Variants in TMCO2 observed in about 807,000 individuals in gnomAD.
TMCO2 encodes transmembrane and coiled-coil domain-containing protein 2.
In TMCO2, 15 loss-of-function variants were observed where a neutral mutation model predicts 18.0. That is an observed-to-expected ratio of 0.84 (90% confidence interval 0.56 to 1.29). The LOEUF (loss-of-function observed/expected upper bound fraction) is 1.29, where lower values mean the gene tolerates loss of function less well. TMCO2 is among the 50% of genes most tolerant of loss of function. TMCO2 has a pLI of 0.00. For synonymous variants in TMCO2, 79 were observed against 75.9 expected, an observed-to-expected ratio of 1.04 and a Z score of -0.21; for missense variants, 182 against 200.9, an observed-to-expected ratio of 0.91 and a Z score of 0.57.
chr1:40,250,134 C>A (rs1368957427), intron 1 of TMCO2, among the ~76,000 whole-genome samples: 1 of 151,546 alleles, frequency 6.6e-6, no homozygotes, highest in Non-Finnish European at 1.5e-5. Flanking sequence ...GCAGTTGGAA[C>A]CATAGGCATG....
Position 40,248,225 on chromosome 1 carries a change from A to T in TMCO2, c.232A>T (p.Ile78Phe). ...YALWKRSIQS[I>F]QKTLLFVITL... ...CTTATGGAAACGAAGTATTCAGTCAATTCAGGTTATACTCTTTTGTTACAA... is the reference window on the plus strand; with the variant it reads ...CTTATGGAAACGAAGTATTCAGTCATTTCAGGTTATACTCTTTTGTTACAA... Residue 78 changes from isoleucine (I) to phenylalanine (F), a missense_variant, in exon 1 of 2, where the codon ATT (isoleucine) becomes TTT (phenylalanine). Transcript: ENST00000372766. The T allele has an allele frequency of 1.2e-6, 2 of 1,607,196 alleles. No individual in the cohort carries two copies. The highest frequency in any genetic ancestry group is 1.7e-6 in the Non-Finnish European group (2 of 1,174,070).
chr1:40,249,695 T>C lies in TMCO2; in HGVS notation c.237+1465T>C, dbSNP rs61781063. ...TGTTATTTATTTATTTATTTTGAGA[T>C]GAAGTCTTGCTCTTGTCCCCTAGTC... On this transcript the variant is annotated intron_variant, in intron 1 of 1. Transcript: ENST00000372766. Among the ~76,000 whole-genome samples the C allele has an allele frequency of 3.6e-3, 553 of 152,274 alleles. 12 individuals are homozygous for C. Among genetic ancestry groups the C allele is most frequent in the East Asian group, 0.031 (161 of 5,180 alleles).
At position 40,251,282 on chromosome 1, in the gene TMCO2, G is replaced by A; in HGVS notation, c.238-1G>A. On this transcript the variant is annotated splice_acceptor_variant, in intron 1 of 1. Coordinates refer to ENST00000372766, the MANE Select transcript of TMCO2 (RefSeq NM_001008740.4). LOFTEE classifies it high-confidence loss of function. Reference sequence around the variant, plus strand: ...ACTCAACTTCTGTTGTTCCATTTTAGAAAACATTGTTGTTTGTAATCACAC... The same window carrying A: ...ACTCAACTTCTGTTGTTCCATTTTAAAAAACATTGTTGTTTGTAATCACAC... The A allele has an allele frequency of 3.1e-6, 5 of 1,605,572 alleles. No individual in the cohort carries two copies. Among genetic ancestry groups the A allele is most frequent in the Non-Finnish European group, 4.2e-6 (5 of 1,178,096 alleles).
At chr1:40,250,905 C>T (rs557324121) in intron 1 of TMCO2, among the ~76,000 whole-genome samples, 2 of 152,128 alleles carry the variant, frequency 1.3e-5, no homozygotes, top group East Asian at 1.9e-4. Flanking sequence ...TGGGAGGCCA[C>T]GATGGGCGGA....
chr1:40,250,908 T>C (rs1196671872), intron 1 of TMCO2, among the ~76,000 whole-genome samples: 2 of 152,278 alleles, frequency 1.3e-5, no homozygotes, highest in East Asian at 3.9e-4. Context: ...GAGGCCACGA[T>C]GGGCGGATCA....
intron 1 of TMCO2, among the ~76,000 whole-genome samples, chr1:40,249,652 C>T (rs1388274757): frequency 6.6e-6 from 1 of 151,002 alleles, no homozygotes; most frequent in Non-Finnish European, 1.5e-5. Flanking sequence ...AGAATCTGTC[C>T]TACTATACAT....
At chr1:40,248,341 C>A in intron 1 of TMCO2, 111 bp downstream of exon 1, 1 of 912,756 alleles carries the variant, frequency 1.1e-6, no homozygotes, top group Non-Finnish European at 1.6e-6. Flanking sequence ...CAAAGGCGAA[C>A]CTTTGTCTCT....
chr1:40,250,859 C>T (rs1037532245), intron 1 of TMCO2, among the ~76,000 whole-genome samples: 24 of 152,150 alleles, frequency 1.6e-4, no homozygotes, highest in African/African-American at 5.8e-4. Context: ...TTGCTAAGGC[C>T]GGGCATGGTG....
At position 40,251,658 on chromosome 1, in the gene TMCO2, CAATA is replaced by C; in HGVS notation, c.*67_*70del. ...TTCCCTCATGTGTGCAGTGGTGTATCAATAAAGATAGAGAACGCTATTGAAATTA... is the reference window on the plus strand; with the variant it reads ...TTCCCTCATGTGTGCAGTGGTGTATCAAGATAGAGAACGCTATTGAAATTA... On this transcript the variant is annotated 3_prime_UTR_variant, in exon 2 of 2. Transcript: ENST00000372766. The C allele has an allele frequency of 6.6e-7, 1 of 1,517,908 alleles. No homozygotes were observed. The highest frequency in any genetic ancestry group is 8.9e-7 in the Non-Finnish European group (1 of 1,118,134). The allele number at this position is 1,517,908 out of a possible 1,614,324, so 94.0% of individuals were successfully genotyped here.
chr1:40,251,169 G>C (rs753815646), intron 1 of TMCO2, 114 bp from the exon 2 acceptor site: 38 of 939,658 alleles, frequency 4.0e-5, no homozygotes, highest in Non-Finnish European at 4.9e-5. Context: ...TGCTAAATGG[G>C]AGACTTGTTA....
At chr1:40,249,574 CAA>C (rs1370369819) in intron 1 of TMCO2, among the ~76,000 whole-genome samples, 11 of 125,456 alleles carry the variant, frequency 8.8e-5, no homozygotes, top group Non-Finnish European at 8.6e-5. Context: ...GACTGTGTCT[CAA>C]AAAAAAAAAA....
In TMCO2 at chr1:40,251,627, C is replaced by T. The variant is rs72939333; in HGVS notation, c.*33C>T. ...TGGACTCCAATCTTTTCCAGGAAAG[C>T]ACTGTTTCCCTCATGTGTGCAGTGG... On this transcript the variant is annotated 3_prime_UTR_variant, in exon 2 of 2. Transcript: ENST00000372766. The T allele has an allele frequency of 2.3e-3, 3,603 of 1,580,596 alleles. 70 individuals carry two copies. The African/African-American group carries it at 0.04, about 17-fold the overall frequency.
At chr1:40,250,311 T>C (rs1292365038) in intron 1 of TMCO2, among the ~76,000 whole-genome samples, 4 of 143,090 alleles carry the variant, frequency 2.8e-5, no homozygotes, top group Non-Finnish European at 4.5e-5. Flanking sequence ...TTATTTTATA[T>C]AAATAAAATA....
Position 40,251,316 on chromosome 1 carries a change from C to T in TMCO2, c.271C>T (p.Leu91Phe). 1 of 1,612,906 alleles carries T rather than the reference C, an allele frequency of 6.2e-7. No individual in the cohort carries two copies. The highest frequency in any genetic ancestry group is 8.5e-7 in the Non-Finnish European group (1 of 1,179,742). ...GTTGTTTGTAATCACACTCTACAAA[C>T]TTTACAAGAAGGGCTCACATATTTT... ...TLLFVITLYK[L>F]YKKGSHIFEA... The change falls in exon 2 of 2, where the codon CTT (leucine) becomes TTT (phenylalanine). Residue 91 changes from leucine (L) to phenylalanine (F), a missense_variant. Coordinates refer to ENST00000372766, the MANE Select transcript of TMCO2 (RefSeq NM_001008740.4).
In TMCO2 at chr1:40,251,517, T is replaced by C; in HGVS notation, c.472T>C (p.Cys158Arg). 3 of 1,614,024 alleles carry C rather than the reference T, an allele frequency of 1.9e-6. No homozygotes were observed. Among genetic ancestry groups the C allele is most frequent in the Non-Finnish European group, 2.5e-6 (3 of 1,180,006 alleles). The change falls in exon 2 of 2, where the codon TGC becomes CGC. Residue 158 changes from cysteine (C) to arginine (R), a missense_variant. Cys to Arg is a radical substitution (Grantham distance 180). Coordinates refer to ENST00000372766, the MANE Select transcript of TMCO2 (RefSeq NM_001008740.4). ...VAQKPATKRD[C>R]SSEPYCSCSD... ...TCAAAAACCTGCCACGAAGAGGGATTGCTCCTCTGAGCCCTACTGCAGCTG... is the reference window on the plus strand; with the variant it reads ...TCAAAAACCTGCCACGAAGAGGGATCGCTCCTCTGAGCCCTACTGCAGCTG...
At chr1:40,250,688 T>C (rs552230692) in intron 1 of TMCO2, among the ~76,000 whole-genome samples, 1 of 152,240 alleles carries the variant, frequency 6.6e-6, no homozygotes, top group Admixed American at 6.5e-5. Flanking sequence ...GTGTTTTTTC[T>C]GCATAAATAG....
chr1:40,249,309 A>C, intron 1 of TMCO2, among the ~76,000 whole-genome samples: 1 of 136,244 alleles, frequency 7.3e-6, no homozygotes, highest in Non-Finnish European at 1.6e-5. Flanking sequence ...GTGTACGCGC[A>C]TGCGCATATA....
intron 1 of TMCO2, among the ~76,000 whole-genome samples, chr1:40,248,941 A>G (rs759547687): frequency 1.3e-5 from 2 of 152,234 alleles, no homozygotes; most frequent in Non-Finnish European, 2.9e-5. Flanking sequence ...TGACAAGTTT[A>G]CTTGATAAAT....
chr1:40,251,612 T>C lies in TMCO2; in HGVS notation c.*18T>C. 6.3e-7 allele frequency: 1 copy of C among 1,589,566 alleles called. No homozygotes were observed. Among genetic ancestry groups the C allele is most frequent in the Non-Finnish European group, 8.5e-7 (1 of 1,174,052 alleles). On this transcript the variant is annotated 3_prime_UTR_variant, in exon 2 of 2. Transcript: ENST00000372766. Reference sequence around the variant, plus strand: ...CCATTTGAAATGTGATGGACTCCAATCTTTTCCAGGAAAGCACTGTTTCCC... The same window carrying C: ...CCATTTGAAATGTGATGGACTCCAACCTTTTCCAGGAAAGCACTGTTTCCC...
Sources: allele counts gnomAD v4.1 joint callset (sites outside exome capture counted in the v4.1 genomes callset), GRCh38; gene constraint gnomAD v4.1.1; transcripts MANE v1.5; gene names NCBI Gene and HGNC (gene_info 2026-07-23, HGNC 2026-07-21).